ARHGEF10: variants seen among roughly 807,000 people sequenced by gnomAD.
ARHGEF10 encodes the protein Rho guanine nucleotide exchange factor 10, also known as Rho guanine nucleotide exchange factor (GEF) 10.
A neutral mutation model predicts 147.4 loss-of-function variants in ARHGEF10; 140 were observed. The observed-to-expected ratio is 0.95, with a 90% CI of 0.83 to 1.09. The LOEUF (loss-of-function observed/expected upper bound fraction) is 1.09. Ranked by LOEUF, ARHGEF10 falls within the 50% of genes least tolerant of loss-of-function variation. The pLI, the probability that ARHGEF10 is intolerant of heterozygous loss-of-function variation, is 0.00. For synonymous variants in ARHGEF10, 902 were observed against 695.8 expected, an observed-to-expected ratio of 1.30 and a Z score of -4.67; for missense variants, 2,222 against 1,752.7, an observed-to-expected ratio of 1.27 and a Z score of -4.78.
chr8:1,849,034 G>A (rs1804766476), intron 2 of ARHGEF10, among the ~76,000 whole-genome samples: 1 of 152,198 alleles, frequency 6.6e-6, no homozygotes, highest in Admixed American at 6.5e-5. Flanking sequence ...TCACAAGCAT[G>A]TAGGACCATC....
In ARHGEF10 at chr8:1,888,820, G is replaced by A. The variant is rs867452976; in HGVS notation, c.1182+3113G>A. The stretch of plus-strand genomic sequence containing the variant: ...TGAGGAGACACTGAGTGGGGTGAGA[G>A]TTATGAGGAGACACTGAATAGGGTG... On this transcript the variant is annotated intron_variant, in intron 11 of 28. Coordinates refer to ENST00000349830, the MANE Select transcript of ARHGEF10 (RefSeq NM_014629.4). Among the ~76,000 whole-genome samples, 266 of 49,764 alleles carry A rather than the reference G, an allele frequency of 5.3e-3. 7 individuals carry two copies. Among genetic ancestry groups the A allele is most frequent in the South Asian group, 0.017 (18 of 1,042 alleles). The allele number at this position is 49,764 out of a possible 152,430, so 32.6% of individuals were successfully genotyped here.
chr8:1,839,730 T>C, intron 1 of ARHGEF10, among the ~76,000 whole-genome samples: 1 of 143,082 alleles, frequency 7.0e-6, no homozygotes, highest in Non-Finnish European at 1.5e-5. Context: ...GACTGTCCGG[T>C]GTGGAAGCTG....
At chr8:1,844,424 A>ATGACAGAGACGGGAGAATCCAGGGGTCC (rs1804360249) in intron 2 of ARHGEF10, among the ~76,000 whole-genome samples, 1 of 26,126 alleles carries the variant, frequency 3.8e-5, no homozygotes, top group African/African-American at 9.7e-5. Flanking sequence ...TCCAGGGGTC[A>ATGACAGAGACGGGAGAATCCAGGGGTCC]CCGGGGCCTG....
chr8:1,956,361 G>T (rs1276410046), intron 28 of ARHGEF10, among the ~76,000 whole-genome samples: 1 of 152,110 alleles, frequency 6.6e-6, no homozygotes, highest in African/African-American at 2.4e-5. Flanking sequence ...ACACATTTCA[G>T]GCGTTAATAT....
rs1815715336 is a variant in ARHGEF10 at position 1,958,058 on chromosome 8, A to G, written c.*795A>G. ...TCTCGTATAAATAGAGTGACTATCCACAGGAGAAAAGTGTGTGCTTTAGTA... is the reference window on the plus strand; with the variant it reads ...TCTCGTATAAATAGAGTGACTATCCGCAGGAGAAAAGTGTGTGCTTTAGTA... On this transcript the variant is annotated 3_prime_UTR_variant, in exon 29 of 29. Coordinates refer to ENST00000349830, the MANE Select transcript of ARHGEF10 (RefSeq NM_014629.4). 1 of 152,238 alleles carries G rather than the reference A, an allele frequency of 6.6e-6. No individual in the cohort carries two copies. The highest frequency in any genetic ancestry group is 2.1e-4 in the South Asian group (1 of 4,834). The allele number at this position is 152,238 out of a possible 1,614,324, so 9.4% of individuals were successfully genotyped here.
intron 1 of ARHGEF10, among the ~76,000 whole-genome samples, chr8:1,826,923 C>T (rs1802805943): frequency 6.6e-6 from 1 of 152,250 alleles, no homozygotes; most frequent in African/African-American, 2.4e-5. Context: ...CTTCAGCTCT[C>T]TCCCTTAACC....
chr8:1,900,644 C>G (rs1285431195), intron 15 of ARHGEF10, among the ~76,000 whole-genome samples: 3 of 152,224 alleles, frequency 2.0e-5, no homozygotes, highest in Non-Finnish European at 4.4e-5. Flanking sequence ...ATTTTGTACA[C>G]TTTTCTTTTT....
chr8:1,921,992 A>G (rs183237562), intron 18 of ARHGEF10, among the ~76,000 whole-genome samples: 3 of 152,304 alleles, frequency 2.0e-5, no homozygotes, highest in Admixed American at 6.5e-5. Context: ...GAAGGAGCGT[A>G]TTACTGCATA....
rs1048327887 is a variant in ARHGEF10, at chr8:1,854,022, C to G, written c.38-3938C>G. Among the ~76,000 whole-genome samples the G allele has an allele frequency of 2.0e-5, 3 of 152,208 alleles. No homozygotes were observed. In the South Asian group the frequency reaches 6.2e-4, roughly 31 times the overall value. The stretch of plus-strand genomic sequence containing the variant: ...TTTCAGCACAGGGATTTAGGGGACA[C>G]AATTGAACCTGTCAGGGCTGGTGTC... On this transcript the variant is annotated intron_variant, in intron 2 of 28. Coordinates refer to ENST00000349830, the MANE Select transcript of ARHGEF10 (RefSeq NM_014629.4).
intron 21 of ARHGEF10, 68 bp from the exon 22 acceptor site, chr8:1,925,215 T>G: frequency 6.3e-7 from 1 of 1,595,872 alleles, no homozygotes; most frequent in Non-Finnish European, 8.6e-7. Context: ...CTATGACCTG[T>G]GGAGCTGCAG....
Position 1,898,622 on chromosome 8 carries a change from C to T in ARHGEF10, c.1650+97C>T, listed in dbSNP as rs576315323. The T allele has an allele frequency of 5.9e-6, 7 of 1,181,290 alleles. No homozygotes were observed. The African/African-American group carries it at 7.6e-5, about 13-fold the overall frequency. 73.2% of individuals were successfully genotyped at this position (1,181,290 alleles called of 1,614,324 possible). ...GTTCCTCCACTTTGGAATGGCTGCC[C>T]CTCGGGCCTCCTCATCTCCTCTCTA... On this transcript the variant is annotated intron_variant, in intron 15 of 28. Coordinates refer to ENST00000349830, the MANE Select transcript of ARHGEF10 (RefSeq NM_014629.4).
chr8:1,869,285 C>T, intron 7 of ARHGEF10, 35 bp downstream of exon 7: 4 of 1,576,586 alleles, frequency 2.5e-6, no homozygotes, highest in Non-Finnish European at 3.5e-6. Flanking sequence ...TGAGGAGATT[C>T]AGCTCAGCAG....
intron 18 of ARHGEF10, among the ~76,000 whole-genome samples, chr8:1,921,776 C>T (rs1440587887): frequency 6.6e-6 from 1 of 152,058 alleles, no homozygotes; most frequent in Non-Finnish European, 1.5e-5. Flanking sequence ...TCAGGAGGTC[C>T]ACATCCGAGC....
chr8:1,945,609 C>T lies in ARHGEF10; in HGVS notation c.3351C>T (p.His1117=), dbSNP rs1173679265. Residue 1117 remains histidine (H), a synonymous_variant, in exon 27 of 29, where the codon CAC becomes CAT. Transcript: ENST00000349830. ...LRLFHTETLK[H]LQDINIATPV... is the part of the protein sequence containing the mutation. ...TTTTTCACACGGAAACTCTCAAGCA[C>T]CTGCAGGACATCAACATCGCCACCC... 3.7e-6 allele frequency: 6 copies of T among 1,614,116 alleles called. No individual in the cohort carries two copies. The highest frequency in any genetic ancestry group is 4.5e-5 in the East Asian group (2 of 44,888).
intron 15 of ARHGEF10, among the ~76,000 whole-genome samples, chr8:1,902,860 C>T (rs900227381): frequency 2.6e-4 from 39 of 152,106 alleles, no homozygotes; most frequent in Admixed American, 5.2e-4. Context: ...GTGCAGTATT[C>T]GGCACCACAG....
intron 18 of ARHGEF10, among the ~76,000 whole-genome samples, chr8:1,916,450 A>C (rs754931443): frequency 6.6e-6 from 1 of 152,244 alleles, no homozygotes; most frequent in Non-Finnish European, 1.5e-5. Context: ...TGTTCACGTT[A>C]TAAAATGCTT....
At chr8:1,922,898 T>C in intron 18 of ARHGEF10, 66 bp from the exon 19 acceptor site, 1 of 1,140,292 alleles carries the variant, frequency 8.8e-7, no homozygotes, top group Non-Finnish European at 1.3e-6. Flanking sequence ...TTTTCTTCCC[T>C]CAAGTATTGG....
chr8:1,950,962 G>A (rs1035737019), intron 27 of ARHGEF10, among the ~76,000 whole-genome samples: 21 of 152,084 alleles, frequency 1.4e-4, no homozygotes, highest in Admixed American at 3.3e-4. Flanking sequence ...TCACGCAGCC[G>A]CAGCCTTGCC....
chr8:1,922,302 G>A (rs1436257357), intron 18 of ARHGEF10, among the ~76,000 whole-genome samples: 1 of 151,890 alleles, frequency 6.6e-6, no homozygotes, highest in East Asian at 1.9e-4. Context: ...AAGATCATTG[G>A]GGAACTCATT....
Sources: gnomAD v4.1 joint callset for allele counts (sites outside exome capture counted in the v4.1 genomes callset) on GRCh38, gnomAD v4.1.1 for gene constraint, MANE v1.5 for transcripts, NCBI Gene and HGNC (gene_info 2026-07-23, HGNC 2026-07-21) for gene names.